The following CSMD3 variants were observed in gnomAD, a reference collection of about 807,000 sequenced individuals.
CSMD3 encodes the protein CUB and sushi domain-containing protein 3.
CSMD3 carries 177 observed loss-of-function variants against 435.2 expected under a neutral mutation model. The ratio of observed to expected loss-of-function variants is 0.41; its 90% CI spans 0.36 to 0.46. The LOEUF (loss-of-function observed/expected upper bound fraction) is 0.46. Ranked by LOEUF, CSMD3 falls within the 20% of genes least tolerant of loss-of-function variation. CSMD3 has a pLI of 0.34. For synonymous variants in CSMD3, 1,656 were observed against 1,520.5 expected (o/e 1.09, Z -2.07); for missense variants, 4,265 against 4,504.6 (o/e 0.95, Z 1.52).
chr8:113,436,544 C>G, intron 1 of CSMD3, 133 bp downstream of exon 1: 1 of 862,092 alleles, frequency 1.2e-6, no homozygotes, highest in Non-Finnish European at 1.9e-6. Context: ...GGAGAACGAG[C>G]TGTGAATCAA....
At chr8:113,002,311 C>T (rs1281218317) in intron 6 of CSMD3, among the ~76,000 whole-genome samples, 1 of 151,956 alleles carries the variant, frequency 6.6e-6, no homozygotes, top group East Asian at 1.9e-4. Flanking sequence ...TAAAAGATTC[C>T]AGCACTCAGA....
intron 6 of CSMD3, among the ~76,000 whole-genome samples, chr8:112,983,024 CAAATA>C (rs1382039858): frequency 2.0e-5 from 3 of 151,904 alleles, no homozygotes; most frequent in African/African-American, 7.2e-5. Context: ...TATGTTTTCT[CAAATA>C]AGAGTATCAT....
chr8:112,789,840 A>G lies in CSMD3; in HGVS notation c.1972+10322T>C, dbSNP rs558077727. ...TAAAAAAGATATAACTATGCCTTAC[A>G]TAATTTTATTTTACTAAATTGATTT... On this transcript the variant is annotated intron_variant, in intron 13 of 70. Coordinates refer to ENST00000297405, the MANE Select transcript of CSMD3 (RefSeq NM_198123.2). Among the ~76,000 whole-genome samples, 316 of 152,132 alleles carry G rather than the reference A, an allele frequency of 2.1e-3. 1 individual carries two copies. The highest frequency in any genetic ancestry group is 7.3e-3 in the African/African-American group (304 of 41,568).
At chr8:113,234,832 A>G (rs2093129368) in intron 3 of CSMD3, among the ~76,000 whole-genome samples, 1 of 152,072 alleles carries the variant, frequency 6.6e-6, no homozygotes, top group African/African-American at 2.4e-5. Flanking sequence ...TTCAGCTAAC[A>G]CGTGTGACGA....
At chr8:113,397,452 A>G (rs951943181) in intron 1 of CSMD3, among the ~76,000 whole-genome samples, 18 of 152,150 alleles carry the variant, frequency 1.2e-4, no homozygotes, top group African/African-American at 3.4e-4. Context: ...TTTTCCTTCA[A>G]TATGGCTTTT....
intron 4 of CSMD3, among the ~76,000 whole-genome samples, chr8:113,107,444 C>G (rs2090512991): frequency 6.6e-6 from 1 of 152,130 alleles, no homozygotes; most frequent in African/African-American, 2.4e-5. Context: ...CCAGTTTCCG[C>G]CAGGTATTGG....
intron 65 of CSMD3, among the ~76,000 whole-genome samples, chr8:112,243,949 G>C (rs931420996): frequency 3.9e-5 from 6 of 152,042 alleles, no homozygotes; most frequent in Non-Finnish European, 7.4e-5. Context: ...TGAATACCCA[G>C]GGTTGTCAGA....
intron 1 of CSMD3, among the ~76,000 whole-genome samples, chr8:113,381,275 G>T (rs1421067719): frequency 1.3e-5 from 2 of 152,044 alleles, no homozygotes; most frequent in African/African-American, 4.8e-5. Flanking sequence ...AACATATTTG[G>T]GGATTACAAG....
At chr8:112,713,966 A>G (rs1464749865) in intron 13 of CSMD3, among the ~76,000 whole-genome samples, 6 of 152,186 alleles carry the variant, frequency 3.9e-5, no homozygotes, top group Non-Finnish European at 8.8e-5. Context: ...ACACTGGAAA[A>G]ACATGCCAAA....
chr8:112,323,832 A>G (rs1406615803), intron 45 of CSMD3, among the ~76,000 whole-genome samples: 1 of 152,056 alleles, frequency 6.6e-6, no homozygotes, highest in Non-Finnish European at 1.5e-5. Context: ...AGGACTCTGA[A>G]AAGTCCTTTA....
chr8:112,718,972 C>A (rs1033045151), intron 13 of CSMD3, among the ~76,000 whole-genome samples: 5 of 152,072 alleles, frequency 3.3e-5, no homozygotes, highest in Non-Finnish European at 7.4e-5. Flanking sequence ...GTACACCTGT[C>A]AAATGAAGAG....
intron 1 of CSMD3, among the ~76,000 whole-genome samples, chr8:113,379,307 C>T (rs1027242437): frequency 1.3e-5 from 2 of 152,054 alleles, no homozygotes; most frequent in Non-Finnish European, 2.9e-5. Context: ...AACACACACA[C>T]ACATTCTGAG....
Position 113,095,869 on chromosome 8 carries a change from G to A in CSMD3, c.917+2887C>T, listed in dbSNP as rs2090148322. Among the ~76,000 whole-genome samples, 3 of 152,072 alleles carry A rather than the reference G, an allele frequency of 2.0e-5. No individual in the cohort carries two copies. In the South Asian group the frequency reaches 6.2e-4, roughly 32 times the overall value. On this transcript the variant is annotated intron_variant, in intron 5 of 70. Coordinates refer to ENST00000297405, the MANE Select transcript of CSMD3 (RefSeq NM_198123.2). The stretch of plus-strand genomic sequence containing the variant: ...CATCCCAAGATTTTTGTATAATCAG[G>A]GGTGGTCCTGGAACCAATTTCCTGA...
intron 5 of CSMD3, among the ~76,000 whole-genome samples, chr8:113,083,679 G>T (rs1313375461): frequency 6.6e-6 from 1 of 152,052 alleles, no homozygotes. Flanking sequence ...AATAACAAGA[G>T]TAGATCTCAC....
intron 5 of CSMD3, among the ~76,000 whole-genome samples, chr8:113,082,371 A>G (rs754497749): frequency 6.6e-6 from 1 of 152,196 alleles, no homozygotes; most frequent in Non-Finnish European, 1.5e-5. Context: ...ACTCACAGAT[A>G]TCACTGAAAT....
intron 1 of CSMD3, among the ~76,000 whole-genome samples, chr8:113,406,310 G>T (rs1179782668): frequency 6.6e-6 from 1 of 151,730 alleles, no homozygotes; most frequent in East Asian, 1.9e-4. Context: ...ATAGATTTGG[G>T]GGAACCATGA....
intron 10 of CSMD3, among the ~76,000 whole-genome samples, chr8:112,897,731 T>TGTGTGTGTGTGTG (rs2081992877): frequency 7.7e-6 from 1 of 130,526 alleles, no homozygotes; most frequent in African/African-American, 2.6e-5. Context: ...TGTGTGTGTG[T>TGTGTGTGTGTGTG]AGGGGAAGTC....
chr8:112,292,803 C>G (rs935640177), intron 54 of CSMD3, 93 bp from the exon 55 acceptor site: 1 of 1,110,976 alleles, frequency 9.0e-7, no homozygotes, highest in African/African-American at 1.6e-5. Flanking sequence ...TTAATCATTT[C>G]AAACAAAGTA....
Position 113,176,606 on chromosome 8 carries a change from G to C in CSMD3, c.515-2690C>G, listed in dbSNP as rs553086698. 3.3e-5 allele frequency among the ~76,000 whole-genome samples: 5 copies of C among 152,186 alleles called. No homozygotes were observed. The South Asian group carries it at 8.3e-4, about 25-fold the overall frequency. ...AAAAGTTTTAGAAATTGCTAAGATA[G>C]ACTAGATTTTAGATAATGTTTCTGC... On this transcript the variant is annotated intron_variant, in intron 3 of 70. Transcript: ENST00000297405.
Sources: gnomAD v4.1 joint callset for allele counts (sites outside exome capture counted in the v4.1 genomes callset) on GRCh38, gnomAD v4.1.1 for gene constraint, MANE v1.5 for transcripts, NCBI Gene and HGNC (gene_info 2026-07-23, HGNC 2026-07-21) for gene names.